Variants in AGAP3 observed in about 807,000 individuals in gnomAD.
AGAP3 encodes ArfGAP with GTPase domain, ankyrin repeat and PH domain 3.
In AGAP3, 24 loss-of-function variants were observed where a neutral mutation model predicts 96.9. The ratio of observed to expected loss-of-function variants is 0.25; its 90% CI spans 0.18 to 0.35. The LOEUF (loss-of-function observed/expected upper bound fraction) is 0.35, where lower values mean the gene tolerates loss of function less well. Among genes scored for constraint, AGAP3 ranks in the 10% least tolerant of loss-of-function variants. The pLI is 1.00. For synonymous variants in AGAP3, 563 were observed against 536.1 expected, an observed-to-expected ratio of 1.05 and a Z score of -0.69; for missense variants, 876 against 1,254.2, an observed-to-expected ratio of 0.70 and a Z score of 4.55.
Position 151,111,828 on chromosome 7 carries a change from CCT to C in AGAP3, c.332-4964_332-4963del, listed in dbSNP as rs541980685. ...GAAACTGCCATGGAGCCTCTCAGCCCCTGAGAGTCACATTCAGTCCAGCGTTT... is the reference window on the plus strand; with the variant it reads ...GAAACTGCCATGGAGCCTCTCAGCCCGAGAGTCACATTCAGTCCAGCGTTT... On this transcript the variant is annotated intron_variant, in intron 1 of 17. Coordinates refer to ENST00000397238, the MANE Select transcript of AGAP3 (RefSeq NM_031946.7). Among the ~76,000 whole-genome samples, 445 of 152,260 alleles carry C rather than the reference CCT, an allele frequency of 2.9e-3. 2 individuals carry two copies. The highest frequency in any genetic ancestry group is 9.5e-3 in the African/African-American group (396 of 41,562).
chr7:151,137,725 G>A (rs754276680), intron 11 of AGAP3: 3 of 188,474 alleles, frequency 1.6e-5, no homozygotes, highest in East Asian at 1.3e-4. Flanking sequence ...CTTATTTCTC[G>A]TCAGAATGGC....
chr7:151,138,980 T>C (rs1267621868), intron 12 of AGAP3, among the ~76,000 whole-genome samples: 1 of 152,184 alleles, frequency 6.6e-6, no homozygotes, highest in Non-Finnish European at 1.5e-5. Flanking sequence ...TTGTTCTCTT[T>C]CTCTCTCTGC....
At chr7:151,131,605 G>C (rs143899800) in intron 10 of AGAP3, among the ~76,000 whole-genome samples, 300 of 152,312 alleles carry the variant, frequency 2.0e-3, no homozygotes, top group African/African-American at 6.8e-3. Context: ...CTGGGCCCAG[G>C]CTCCAGGGTT....
chr7:151,111,352 A>G (rs910615313), intron 1 of AGAP3, among the ~76,000 whole-genome samples: 1 of 152,180 alleles, frequency 6.6e-6, no homozygotes, highest in South Asian at 2.1e-4. Flanking sequence ...TCCGGCTTTC[A>G]GGAGAAGGCT....
chr7:151,093,090 C>T (rs970652272), intron 1 of AGAP3, among the ~76,000 whole-genome samples: 1 of 152,068 alleles, frequency 6.6e-6, no homozygotes, highest in Non-Finnish European at 1.5e-5. Flanking sequence ...TAGACAGATG[C>T]TTGCTCAAGA....
At position 151,108,151 on chromosome 7, in the gene AGAP3, G is replaced by A. The variant is rs1353364050; in HGVS notation, c.332-8642G>A. Reference sequence around the variant, plus strand: ...CAGGGTCTTAGAACATGGCCAGATGGGACAAAGCCAGGAGGCCAGATGGGG... The same window carrying A: ...CAGGGTCTTAGAACATGGCCAGATGAGACAAAGCCAGGAGGCCAGATGGGG... On this transcript the variant is annotated intron_variant, in intron 1 of 17. Transcript: ENST00000397238. The surrounding 1 kb of genome is among the most constrained non-coding windows in gnomAD (Gnocchi z 4.2). 6.6e-6 allele frequency among the ~76,000 whole-genome samples: 1 copy of A among 152,192 alleles called. No homozygotes were observed. The highest frequency in any genetic ancestry group is 1.5e-5 in the Non-Finnish European group (1 of 68,020).
rs942767800 is a variant in AGAP3 at position 151,096,042 on chromosome 7, C to T, written c.331+8970C>T. On this transcript the variant is annotated intron_variant, in intron 1 of 17. Transcript: ENST00000397238. This position sits in a 1 kb window ranked among gnomAD's most constrained non-coding sequence, Gnocchi z 4.4. Reference sequence around the variant, plus strand: ...TAACCCCTCTGTGTCTTAGCTTCGCCATTGGTAAAACATGGGCATCCGTTT... The same window carrying T: ...TAACCCCTCTGTGTCTTAGCTTCGCTATTGGTAAAACATGGGCATCCGTTT... 6.6e-6 allele frequency among the ~76,000 whole-genome samples: 1 copy of T among 152,196 alleles called. No homozygotes were observed. The highest frequency in any genetic ancestry group is 2.4e-5 in the African/African-American group (1 of 41,440).
intron 1 of AGAP3, among the ~76,000 whole-genome samples, chr7:151,099,251 G>A (rs1335654502): frequency 4.0e-5 from 6 of 151,342 alleles, no homozygotes; most frequent in Non-Finnish European, 8.8e-5. Flanking sequence ...GCTGAGGCAG[G>A]AGAATGGTGT....
chr7:151,135,639 G>A (rs947486043), intron 11 of AGAP3, among the ~76,000 whole-genome samples: 23 of 152,226 alleles, frequency 1.5e-4, no homozygotes, highest in African/African-American at 5.5e-4. Flanking sequence ...TGAACCAGGT[G>A]TGCTGGGCCC....
intron 1 of AGAP3, among the ~76,000 whole-genome samples, chr7:151,094,089 T>C (rs981716410): frequency 6.6e-6 from 1 of 152,192 alleles, no homozygotes; most frequent in Non-Finnish European, 1.5e-5. Flanking sequence ...AGATTTTCTG[T>C]ACCTCTGTTT....
chr7:151,125,030 G>A (rs560699955), intron 9 of AGAP3, among the ~76,000 whole-genome samples: 24 of 152,330 alleles, frequency 1.6e-4, no homozygotes, highest in Middle Eastern at 3.4e-3. Context: ...GTTCGTTCGC[G>A]GAGTGCGTGT....
chr7:151,115,707 C>G, intron 1 of AGAP3: 1 of 1,013,336 alleles, frequency 9.9e-7, no homozygotes, highest in Non-Finnish European at 1.2e-6. Context: ...CGGACGCGCC[C>G]AGGGCAGGCG....
At chr7:151,100,297 A>G (rs1362281643) in intron 1 of AGAP3, among the ~76,000 whole-genome samples, 1 of 152,162 alleles carries the variant, frequency 6.6e-6, no homozygotes, top group Non-Finnish European at 1.5e-5. Context: ...TGGAGCACCA[A>G]GAACCCTCCT....
chr7:151,117,450 G>T lies in AGAP3; in HGVS notation c.558G>T (p.Glu186Asp), dbSNP rs1799648325. 3 of 1,614,084 alleles carry T rather than the reference G, an allele frequency of 1.9e-6. No individual in the cohort carries two copies. The highest frequency in any genetic ancestry group is 2.5e-6 in the Non-Finnish European group (3 of 1,180,022). Reference sequence around the variant, plus strand: ...TCCGAGATGAAGGAGGCCCCCCTGAGCTCCAGGTGATGCTCCTGCCCAGGG... The same window carrying T: ...TCCGAGATGAAGGAGGCCCCCCTGATCTCCAGGTGATGCTCCTGCCCAGGG... ...LLIRDEGGPP[E>D]LQFAAWVDAV... The change falls in exon 4 of 18, where the codon GAG (glutamate) becomes GAT (aspartate). Residue 186 changes from glutamate (E) to aspartate (D), a missense_variant. Physicochemically the swap from Glu to Asp is conservative, Grantham distance 45. Coordinates refer to ENST00000397238, the MANE Select transcript of AGAP3 (RefSeq NM_031946.7).
At chr7:151,120,169 G>T (rs771446520) in intron 8 of AGAP3, 24 bp downstream of exon 8, 1 of 1,568,782 alleles carries the variant, frequency 6.4e-7, no homozygotes, top group South Asian at 1.2e-5. Context: ...CTCCTCCCCC[G>T]CCCAGCTGCC....
At position 151,143,791 on chromosome 7, in the gene AGAP3, G is replaced by A. The variant is rs1186618898; in HGVS notation, c.2584G>A (p.Ala862Thr). The change falls in exon 18 of 18, where the codon GCT (alanine) becomes ACT (threonine). Residue 862 changes from alanine to threonine, a missense_variant. Around this residue, in one of 8 missense-constraint regions of AGAP3, gnomAD observed 213 missense variants for 253.8 expected, o/e 0.84. Coordinates refer to ENST00000397238, the MANE Select transcript of AGAP3 (RefSeq NM_031946.7). The surrounding 1 kb of genome is among the most constrained non-coding windows in gnomAD (Gnocchi z 5.9). ...DARGLTPLAY[A>T]RRAGSQECAD... ...CCGGGGCCTGACTCCACTGGCATAT[G>A]CTCGCCGGGCCGGCAGCCAGGAGTG... 6.2e-7 allele frequency: 1 copy of A among 1,614,134 alleles called. No homozygotes were observed.
chr7:151,089,230 T>C (rs902260815), intron 1 of AGAP3, among the ~76,000 whole-genome samples: 1 of 152,220 alleles, frequency 6.6e-6, no homozygotes, highest in Admixed American at 6.5e-5. Context: ...CTCCTCTCCA[T>C]CTGCCAAACC....
upstream of AGAP3, among the ~76,000 whole-genome samples, chr7:151,086,411 G>C (rs1798143980): frequency 7.0e-6 from 1 of 143,430 alleles, no homozygotes; most frequent in Non-Finnish European, 1.6e-5. Flanking sequence ...CGGAGCCGGC[G>C]GGGGCGGCGG....
chr7:151,101,307 A>C (rs1052171116), intron 1 of AGAP3, among the ~76,000 whole-genome samples: 1 of 152,142 alleles, frequency 6.6e-6, no homozygotes, highest in South Asian at 2.1e-4. Context: ...GTGCATTGCT[A>C]TCTCCTCCTG....
Sources: allele counts gnomAD v4.1 joint callset (sites outside exome capture counted in the v4.1 genomes callset), GRCh38; gene constraint gnomAD v4.1.1; regional missense constraint gnomAD v4.1.1; non-coding constraint Gnocchi (gnomAD v3.1); transcripts MANE v1.5; gene names NCBI Gene and HGNC (gene_info 2026-07-23, HGNC 2026-07-21).